The following SPATA19 variants were observed in gnomAD, a reference collection of about 807,000 sequenced individuals.
SPATA19 encodes the protein spermatogenesis-associated protein 19, mitochondrial.
A neutral mutation model predicts 25.0 loss-of-function variants in SPATA19; 19 were observed. The ratio of observed to expected loss-of-function variants is 0.76; its 90% confidence interval spans 0.53 to 1.11. The LOEUF (loss-of-function observed/expected upper bound fraction) is 1.11, where lower values mean the gene tolerates loss of function less well. SPATA19 is among the 50% of genes most tolerant of loss of function. SPATA19 has a pLI of 0.00. For missense variants in SPATA19, 222 were observed against 211.4 expected, an observed-to-expected ratio of 1.05 and a Z score of -0.31; for synonymous variants, 64 against 69.3, an observed-to-expected ratio of 0.92 and a Z score of 0.38.
At chr11:133,842,408 G>A in intron 5 of SPATA19, 77 bp downstream of exon 5, 1 of 1,123,708 alleles carries the variant, frequency 8.9e-7, no homozygotes, top group Non-Finnish European at 1.4e-6. Flanking sequence ...CTGGGTGTGG[G>A]CGGGAAACCC....
downstream of SPATA19, among the ~76,000 whole-genome samples, chr11:133,838,917 A>C (rs190126603): frequency 5.1e-3 from 779 of 152,336 alleles, 11 homozygotes; most frequent in African/African-American, 0.018. Context: ...GCAGCCAAAA[A>C]ACACATGAAA....
chr11:133,836,487 T>C (rs2851119), downstream of SPATA19, among the ~76,000 whole-genome samples: 72,277 of 152,018 alleles, frequency 0.48, 17,779 homozygotes, highest in East Asian at 0.79. Flanking sequence ...CCAGCTCTGC[T>C]GGAGAGGGCA....
chr11:133,839,117 G>T (rs971355678), downstream of SPATA19, among the ~76,000 whole-genome samples: 1 of 152,230 alleles, frequency 6.6e-6, no homozygotes, highest in Non-Finnish European at 1.5e-5. Flanking sequence ...GTGGAAGTCA[G>T]CGTGGCGATT....
At chr11:133,845,320 A>G in intron 1 of SPATA19, 49 bp downstream of exon 1, 1 of 1,471,452 alleles carries the variant, frequency 6.8e-7, no homozygotes, top group Non-Finnish European at 9.3e-7. Flanking sequence ...CCACAGGGGG[A>G]GAAGATATAT....
downstream of SPATA19, among the ~76,000 whole-genome samples, chr11:133,838,094 A>G (rs891543105): frequency 2.0e-5 from 3 of 152,178 alleles, no homozygotes; most frequent in African/African-American, 4.8e-5. Flanking sequence ...AATAATTACA[A>G]AGCTTGCTAA....
chr11:133,845,125 C>G lies in SPATA19; in HGVS notation c.135+9G>C, dbSNP rs1938392503. On this transcript the variant is annotated intron_variant, in intron 2 of 6. Transcript: ENST00000299140. The stretch of plus-strand genomic sequence containing the variant: ...TGGATATCCTGAGTCATAAAGAAAT[C>G]TTACTCACTTTTTTCAACCAATGAT... The G allele has an allele frequency of 6.2e-7, 1 of 1,612,642 alleles. No individual in the cohort carries two copies. The highest frequency in any genetic ancestry group is 8.5e-7 in the Non-Finnish European group (1 of 1,178,862).
At chr11:133,838,828 T>G (rs1938250602), downstream of SPATA19, among the ~76,000 whole-genome samples, 2 of 151,964 alleles carry the variant, frequency 1.3e-5, no homozygotes, top group African/African-American at 2.4e-5. Flanking sequence ...TTAAACAAAT[T>G]TACAAGAAAA....
intron 4 of SPATA19, among the ~76,000 whole-genome samples, chr11:133,843,915 T>C (rs777428527): frequency 6.6e-6 from 1 of 152,246 alleles, no homozygotes; most frequent in African/African-American, 2.4e-5. Flanking sequence ...GCTTTTGCAT[T>C]TTAAGAGCTT....
intron 4 of SPATA19, among the ~76,000 whole-genome samples, 200 bp downstream of exon 4, chr11:133,844,046 C>T (rs919523377): frequency 1.3e-5 from 2 of 152,160 alleles, no homozygotes; most frequent in African/African-American, 4.8e-5. Context: ...TTTTCCAACC[C>T]CTCAAGTCAT....
chr11:133,841,670 G>A (rs1938313012), intron 6 of SPATA19, among the ~76,000 whole-genome samples: 1 of 152,176 alleles, frequency 6.6e-6, no homozygotes, highest in Non-Finnish European at 1.5e-5. Context: ...TCAAGGTGAG[G>A]TCAGCAGACC....
intron 6 of SPATA19, among the ~76,000 whole-genome samples, chr11:133,841,433 A>G (rs1938306669): frequency 6.6e-6 from 1 of 152,118 alleles, no homozygotes; most frequent in South Asian, 2.1e-4. Flanking sequence ...TAGCCGCAGG[A>G]TGGTCAGCAC....
downstream of SPATA19, among the ~76,000 whole-genome samples, chr11:133,838,695 T>G (rs1938248989): frequency 1.3e-5 from 2 of 152,146 alleles, no homozygotes; most frequent in Admixed American, 1.3e-4. Context: ...CTAATTAAAC[T>G]AAAGAGCTTC....
chr11:133,844,380 C>T (rs1938375066), intron 3 of SPATA19, 43 bp from the exon 4 acceptor site: 1 of 1,607,966 alleles, frequency 6.2e-7, no homozygotes, highest in South Asian at 1.1e-5. Flanking sequence ...CCCAGTGTGG[C>T]CCCCAACTGG....
At chr11:133,842,896 T>TATC (rs1280703403) in intron 4 of SPATA19, among the ~76,000 whole-genome samples, 1 of 152,118 alleles carries the variant, frequency 6.6e-6, no homozygotes, top group African/African-American at 2.4e-5. Flanking sequence ...ATTCCTCTCC[T>TATC]ATCATCAGCT....
chr11:133,842,916 C>G (rs1329572280), intron 4 of SPATA19, among the ~76,000 whole-genome samples: 1 of 152,160 alleles, frequency 6.6e-6, no homozygotes, highest in African/African-American at 2.4e-5. Flanking sequence ...TCTTGATGAC[C>G]TGCATCACCC....
At chr11:133,839,467 T>C (rs1331917894), downstream of SPATA19, among the ~76,000 whole-genome samples, 1 of 137,172 alleles carries the variant, frequency 7.3e-6, no homozygotes, top group East Asian at 2.1e-4. Flanking sequence ...CACTCATAGG[T>C]GGGAATTGAA....
At chr11:133,845,102 G>C (rs1390206346) in intron 2 of SPATA19, 32 bp downstream of exon 2, 2 of 1,593,872 alleles carry the variant, frequency 1.3e-6, no homozygotes, top group East Asian at 4.5e-5. Context: ...TAGCATTTTG[G>C]ATATCCTGAG....
downstream of SPATA19, among the ~76,000 whole-genome samples, chr11:133,838,912 CA>C (rs1938253411): frequency 6.6e-6 from 1 of 152,048 alleles, no homozygotes; most frequent in Non-Finnish European, 1.5e-5. Context: ...TTTATGCAGC[CA>C]AAAAACACAT....
downstream of SPATA19, among the ~76,000 whole-genome samples, chr11:133,840,232 C>CTT (rs35941518): frequency 0.34 from 51,623 of 151,592 alleles, 9,513 homozygotes; most frequent in East Asian, 0.6. Flanking sequence ...CAAATAAAGA[C>CTT]TCTCCAACCA....
Sources: gnomAD v4.1 joint callset for allele counts (sites outside exome capture counted in the v4.1 genomes callset) on GRCh38, gnomAD v4.1.1 for gene constraint, MANE v1.5 for transcripts, NCBI Gene and HGNC (gene_info 2026-07-23, HGNC 2026-07-21) for gene names.